The following PLEKHA7 variants were observed in gnomAD, a reference collection of about 807,000 sequenced individuals.
PLEKHA7 encodes the protein pleckstrin homology domain-containing family A member 7.
In PLEKHA7, 104 loss-of-function variants were observed where a neutral mutation model predicts 170.0. The ratio of observed to expected loss-of-function variants is 0.61; its 90% CI spans 0.52 to 0.72. The LOEUF is 0.72. Ranked by LOEUF, PLEKHA7 falls within the 30% of genes least tolerant of loss-of-function variation. The pLI is 0.00. For missense variants in PLEKHA7, 1,615 were observed against 1,671.7 expected (o/e 0.97, Z 0.59); for synonymous variants, 648 against 660.8 (o/e 0.98, Z 0.30).
chr11:16,799,020 T>G (rs1848417638), intron 17 of PLEKHA7, among the ~76,000 whole-genome samples: 1 of 152,234 alleles, frequency 6.6e-6, no homozygotes, highest in African/African-American at 2.4e-5. Flanking sequence ...TACACCTTTC[T>G]GAGATGATAG....
intron 3 of PLEKHA7, among the ~76,000 whole-genome samples, chr11:16,926,052 C>A (rs1859516828): frequency 6.6e-6 from 1 of 152,220 alleles, no homozygotes; most frequent in Non-Finnish European, 1.5e-5. Context: ...GCAGGAGACC[C>A]GGGTTGCTGT....
At position 17,014,013 on chromosome 11, in the gene PLEKHA7, T is replaced by C; in HGVS notation, c.197A>G (p.Glu66Gly). ...LPRGWEEGFT[E>G]EGASYFIDHN... The stretch of plus-strand genomic sequence containing the variant: ...CTCGATGAAGTAGCTGGCGCCCTCC[T>C]CCGTGAAGCCCTCCTCCCAGCCGCG... The change falls in exon 3 of 27, where the codon GAG becomes GGG. Residue 66 changes from glutamate (E) to glycine (G), a missense_variant. Transcript: ENST00000531066. The C allele has an allele frequency of 6.5e-7, 1 of 1,547,968 alleles. No homozygotes were observed. Among genetic ancestry groups the C allele is most frequent in the Non-Finnish European group, 8.7e-7 (1 of 1,146,958 alleles).
intron 3 of PLEKHA7, among the ~76,000 whole-genome samples, chr11:16,883,685 G>A (rs1416285110): frequency 1.3e-5 from 2 of 151,912 alleles, no homozygotes; most frequent in African/African-American, 2.4e-5. Flanking sequence ...TCCTAATCAT[G>A]CCAGACCACT....
In PLEKHA7 at chr11:16,794,573, G is replaced by A; in HGVS notation, c.2660C>T (p.Thr887Ile). Residue 887 changes from threonine (T) to isoleucine (I), a missense_variant, in exon 19 of 27, where the codon ACC (threonine) becomes ATC (isoleucine). Coordinates refer to ENST00000531066, the MANE Select transcript of PLEKHA7 (RefSeq NM_001329630.2). ...TGGGTGAGGTCGGTACGGCACGTAGGTTTGCAGCTGGGGGAAGAGTCGAAC... is the reference window on the plus strand; with the variant it reads ...TGGGTGAGGTCGGTACGGCACGTAGATTTGCAGCTGGGGGAAGAGTCGAAC... Reference protein sequence around the residue: ...LEVRLFPQLQTYVPYRPHPPQ... With the variant: ...LEVRLFPQLQIYVPYRPHPPQ... The A allele has an allele frequency of 6.2e-7, 1 of 1,613,652 alleles. No homozygotes were observed. The highest frequency in any genetic ancestry group is 8.5e-7 in the Non-Finnish European group (1 of 1,179,776).
At chr11:17,014,089 C>T (rs768671980) in intron 2 of PLEKHA7, 36 bp downstream of exon 2, 9 of 1,584,514 alleles carry the variant, frequency 5.7e-6, no homozygotes, top group Non-Finnish European at 7.7e-6. Flanking sequence ...TGGGCCGCCG[C>T]TGCGCGCGCC....
rs1212686197 is a variant in PLEKHA7 at position 16,817,254 on chromosome 11, T to G, written c.1412A>C (p.Gln471Pro). The part of the protein sequence containing the change: ...GQSLSFPENY[Q>P]TLPKSTRHPS... ...GTGTCGGGTGCTCTTGGGAAGAGTC[T>G]GGTAGTTTTCTGGGAAGGACAGGGA... The change falls in exon 11 of 27, where the codon CAG becomes CCG. Residue 471 changes from glutamine to proline, a missense_variant. By Grantham distance (76) the Gln-to-Pro change is moderately conservative. Transcript: ENST00000531066. This position sits in a 1 kb window ranked among gnomAD's most constrained non-coding sequence, Gnocchi z 4.4. 2.5e-6 allele frequency: 4 copies of G among 1,613,646 alleles called. No homozygotes were observed. The highest frequency in any genetic ancestry group is 3.4e-6 in the Non-Finnish European group (4 of 1,180,022).
intron 3 of PLEKHA7, among the ~76,000 whole-genome samples, chr11:16,882,829 A>G (rs1855805314): frequency 1.3e-5 from 2 of 152,118 alleles, no homozygotes; most frequent in Admixed American, 6.5e-5. Context: ...AAGTACATAT[A>G]AATATATATT....
intron 8 of PLEKHA7, among the ~76,000 whole-genome samples, chr11:16,841,988 T>C (rs1248981860): frequency 1.3e-5 from 2 of 152,202 alleles, no homozygotes; most frequent in Non-Finnish European, 2.9e-5. Context: ...GTTGGGAGTG[T>C]GCACAAAGTC....
chr11:17,007,484 A>G (rs1865074891), intron 3 of PLEKHA7, among the ~76,000 whole-genome samples: 1 of 151,948 alleles, frequency 6.6e-6, no homozygotes, highest in Non-Finnish European at 1.5e-5. Flanking sequence ...CACCATGCCC[A>G]TAAATAGCAA....
chr11:16,867,389 G>A lies in PLEKHA7; in HGVS notation c.305+3710C>T, dbSNP rs187603501. Among the ~76,000 whole-genome samples, 3 of 152,244 alleles carry A rather than the reference G, an allele frequency of 2.0e-5. No individual in the cohort carries two copies. In the East Asian group the frequency reaches 5.8e-4, roughly 29 times the overall value. ...TACCTACAAGAAACTGGGGAGTGGAGGCTCTGGCAAGAGGAGTCAATGTGG... is the reference window on the plus strand; with the variant it reads ...TACCTACAAGAAACTGGGGAGTGGAAGCTCTGGCAAGAGGAGTCAATGTGG... On this transcript the variant is annotated intron_variant, in intron 4 of 26. Transcript: ENST00000531066.
chr11:16,819,103 G>A (rs1420497956), intron 10 of PLEKHA7, among the ~76,000 whole-genome samples: 2 of 147,126 alleles, frequency 1.4e-5, no homozygotes, highest in Admixed American at 1.4e-4. Context: ...ATGCCTGGCC[G>A]CCATCTTATT....
chr11:16,889,420 AATAT>A (rs1554964151), intron 3 of PLEKHA7, among the ~76,000 whole-genome samples: 1,632 of 74,322 alleles, frequency 0.022, 24 homozygotes, highest in Non-Finnish European at 0.029. Context: ...AAAAAAAAAA[AATAT>A]ATATATATAT....
chr11:16,914,838 T>C (rs963026650), intron 3 of PLEKHA7, among the ~76,000 whole-genome samples: 2 of 152,282 alleles, frequency 1.3e-5, no homozygotes, highest in African/African-American at 4.8e-5. Flanking sequence ...ATCACACAGA[T>C]GGTTAAGTGG....
intron 3 of PLEKHA7, among the ~76,000 whole-genome samples, chr11:16,996,694 T>C (rs1864359587): frequency 6.6e-6 from 1 of 152,096 alleles, no homozygotes; most frequent in Admixed American, 6.5e-5. Flanking sequence ...CCCAGCACTT[T>C]GGGAGGCCGA....
At chr11:16,805,430 T>C (rs2134458892) in intron 13 of PLEKHA7, among the ~76,000 whole-genome samples, 1 of 152,248 alleles carries the variant, frequency 6.6e-6, no homozygotes, top group Non-Finnish European at 1.5e-5. Context: ...ACCTTTTTTT[T>C]CTCTCTCTCA....
intron 3 of PLEKHA7, among the ~76,000 whole-genome samples, chr11:16,955,371 A>G (rs1861638648): frequency 6.6e-6 from 1 of 152,126 alleles, no homozygotes. Flanking sequence ...GTGTCCCTAA[A>G]GTGTTCTATA....
intron 4 of PLEKHA7, among the ~76,000 whole-genome samples, chr11:16,862,558 C>T (rs1434696394): frequency 6.6e-6 from 1 of 152,208 alleles, no homozygotes; most frequent in Non-Finnish European, 1.5e-5. Flanking sequence ...TTACTACTTA[C>T]AGGAAGCAGC....
At chr11:16,986,156 G>A (rs930034648) in intron 3 of PLEKHA7, among the ~76,000 whole-genome samples, 1 of 152,190 alleles carries the variant, frequency 6.6e-6, no homozygotes, top group Non-Finnish European at 1.5e-5. Context: ...ACAGACACAG[G>A]AAGAGAAGCC....
chr11:16,826,624 C>T, intron 9 of PLEKHA7, 34 bp from the exon 10 acceptor site: 2 of 1,559,610 alleles, frequency 1.3e-6, no homozygotes, highest in Admixed American at 3.4e-5. Flanking sequence ...GTTTGCTCCA[C>T]AGCCAAGACT....
Sources: allele counts gnomAD v4.1 joint callset (sites outside exome capture counted in the v4.1 genomes callset), GRCh38; gene constraint gnomAD v4.1.1; non-coding constraint Gnocchi (gnomAD v3.1); transcripts MANE v1.5; gene names NCBI Gene and HGNC (gene_info 2026-07-23, HGNC 2026-07-21).